The following CNTN4 variants were observed in gnomAD, a reference collection of about 807,000 sequenced individuals.
CNTN4 encodes contactin 4.
CNTN4 carries 77 observed loss-of-function variants against 122.5 expected under a neutral mutation model. The observed-to-expected ratio is 0.63, with a 90% CI of 0.52 to 0.76. CNTN4 has a LOEUF of 0.76. Ranked by LOEUF, CNTN4 falls within the 30% of genes least tolerant of loss-of-function variation. The pLI is 0.00. For synonymous variants in CNTN4, 512 were observed against 447.0 expected, an observed-to-expected ratio of 1.15 and a Z score of -1.83; for missense variants, 1,256 against 1,259.1, an observed-to-expected ratio of 1.00 and a Z score of 0.04.
intron 2 of CNTN4, among the ~76,000 whole-genome samples, chr3:2,308,742 C>A (rs2042809906): frequency 1.3e-5 from 2 of 151,910 alleles, no homozygotes; most frequent in South Asian, 4.1e-4. Context: ...TTATTGTGGT[C>A]AGAGAACGTT....
At chr3:2,290,845 A>G (rs2042107366) in intron 2 of CNTN4, among the ~76,000 whole-genome samples, 1 of 152,212 alleles carries the variant, frequency 6.6e-6, no homozygotes, top group Non-Finnish European at 1.5e-5. Context: ...TTCCCTTTCA[A>G]CAGAAACTTC....
At chr3:2,693,670 G>A (rs2728024) in intron 4 of CNTN4, among the ~76,000 whole-genome samples, 126,346 of 152,072 alleles carry the variant, frequency 0.83, 52,723 homozygotes, top group African/African-American at 0.89. Flanking sequence ...AGAATGATAA[G>A]AGAAATTGCT....
chr3:2,388,838 C>A (rs937068174), intron 3 of CNTN4, among the ~76,000 whole-genome samples: 7 of 151,290 alleles, frequency 4.6e-5, no homozygotes, highest in Non-Finnish European at 8.8e-5. Context: ...GAGCTAGATT[C>A]TGTCTCAAAC....
Position 2,690,426 on chromosome 3 carries a change from G to A in CNTN4, c.56-45789G>A, listed in dbSNP as rs115816299. Among the ~76,000 whole-genome samples the A allele has an allele frequency of 5.7e-3, 863 of 152,242 alleles. 5 individuals are homozygous for A. Among genetic ancestry groups the A allele is most frequent in the African/African-American group, 0.02 (812 of 41,538 alleles). ...AGATACGTAGCCCCACACTAGCTAT[G>A]GGACCTTAGGTAGGTTATTTAACTC... On this transcript the variant is annotated intron_variant, in intron 4 of 24. Transcript: ENST00000418658.
intron 6 of CNTN4, among the ~76,000 whole-genome samples, chr3:2,777,534 G>A (rs570511217): frequency 1.3e-5 from 2 of 152,168 alleles, no homozygotes; most frequent in Non-Finnish European, 2.9e-5. Flanking sequence ...TAGCAGCAAA[G>A]GACAAAAGAC....
intron 4 of CNTN4, among the ~76,000 whole-genome samples, chr3:2,600,310 G>A (rs2080980869): frequency 1.3e-5 from 2 of 151,740 alleles, no homozygotes; most frequent in South Asian, 2.1e-4. Context: ...CCATTAACTC[G>A]TCATTTACAT....
chr3:2,402,171 A>C (rs1205810980), intron 3 of CNTN4, among the ~76,000 whole-genome samples: 1 of 152,052 alleles, frequency 6.6e-6, no homozygotes, highest in Non-Finnish European at 1.5e-5. Context: ...TCTGCCCCAA[A>C]TCTCCCTTGC....
At chr3:2,616,061 A>G (rs1024089110) in intron 4 of CNTN4, among the ~76,000 whole-genome samples, 1 of 150,526 alleles carries the variant, frequency 6.6e-6, no homozygotes, top group African/African-American at 2.5e-5. Context: ...ATACATGTGC[A>G]GAATGTGCAG....
At chr3:2,557,380 G>C (rs1337144951) in intron 3 of CNTN4, among the ~76,000 whole-genome samples, 5 of 152,210 alleles carry the variant, frequency 3.3e-5, no homozygotes, top group African/African-American at 1.2e-4. Context: ...CCTGCATGCT[G>C]CATTTTTAGC....
chr3:2,580,095 G>T (rs1014340622), intron 4 of CNTN4, among the ~76,000 whole-genome samples: 5 of 152,024 alleles, frequency 3.3e-5, no homozygotes, highest in Non-Finnish European at 1.5e-5. Flanking sequence ...GTAATTGTGG[G>T]TAGAGCACTC....
chr3:3,009,400 C>T (rs1230210047), intron 14 of CNTN4, among the ~76,000 whole-genome samples: 4 of 152,050 alleles, frequency 2.6e-5, no homozygotes, highest in South Asian at 2.1e-4. Flanking sequence ...ACTGTCAATT[C>T]AATATCTAAT....
In CNTN4 at chr3:2,988,400, G is replaced by T; in HGVS notation, c.1414G>T (p.Ala472Ser). The change falls in exon 14 of 25, where the codon GCT becomes TCT. Residue 472 changes from alanine to serine, a missense_variant. Coordinates refer to ENST00000418658, the MANE Select transcript of CNTN4 (RefSeq NM_175607.3). The part of the protein sequence containing the change: ...LRIINVTKSD[A>S]GSYTCIATNH... ...AATCATCAACGTTACTAAATCAGAC[G>T]CTGGGAGTTATACCTGTATAGCCAC... 1 of 1,613,642 alleles carries T rather than the reference G, an allele frequency of 6.2e-7. No homozygotes were observed. The highest frequency in any genetic ancestry group is 1.3e-5 in the African/African-American group (1 of 75,008).
intron 3 of CNTN4, among the ~76,000 whole-genome samples, chr3:2,359,816 G>A (rs2045046950): frequency 6.6e-6 from 1 of 152,298 alleles, no homozygotes; most frequent in East Asian, 1.9e-4. Flanking sequence ...TGGGATTAGG[G>A]TCGAGAGCCA....
chr3:2,618,620 A>C (rs1163936166), intron 4 of CNTN4, among the ~76,000 whole-genome samples: 1 of 152,180 alleles, frequency 6.6e-6, no homozygotes, highest in African/African-American at 2.4e-5. Context: ...GGTGCCCCAA[A>C]TAGTAGCACA....
intron 6 of CNTN4, among the ~76,000 whole-genome samples, chr3:2,751,937 A>G (rs185495965): frequency 1.2e-3 from 181 of 152,232 alleles, no homozygotes; most frequent in African/African-American, 4.1e-3. Context: ...GTTCCATTTC[A>G]TTCTATGTGT....
chr3:2,441,129 T>C (rs1394875056), intron 3 of CNTN4, among the ~76,000 whole-genome samples: 1 of 152,026 alleles, frequency 6.6e-6, no homozygotes, highest in Non-Finnish European at 1.5e-5. Flanking sequence ...TTCACTTATA[T>C]GGTCATCAGT....
At chr3:2,698,929 C>T (rs960384000) in intron 4 of CNTN4, among the ~76,000 whole-genome samples, 4 of 151,834 alleles carry the variant, frequency 2.6e-5, no homozygotes, top group African/African-American at 7.2e-5. Context: ...AGGCTGAGGC[C>T]GGAGAATTGC....
intron 2 of CNTN4, among the ~76,000 whole-genome samples, chr3:2,312,828 T>C (rs1145050): frequency 0.09 from 13,702 of 152,108 alleles, 756 homozygotes; most frequent in African/African-American, 0.15. Flanking sequence ...TGTATGTTTC[T>C]GTGTGTTTGT....
chr3:2,435,559 G>A (rs539981320), intron 3 of CNTN4, among the ~76,000 whole-genome samples: 3 of 152,190 alleles, frequency 2.0e-5, no homozygotes, highest in South Asian at 2.1e-4. Flanking sequence ...AGTGACCCTG[G>A]CAGCCTGTTT....
Sources: gnomAD v4.1 joint callset for allele counts (sites outside exome capture counted in the v4.1 genomes callset) on GRCh38, gnomAD v4.1.1 for gene constraint, MANE v1.5 for transcripts, NCBI Gene and HGNC (gene_info 2026-07-23, HGNC 2026-07-21) for gene names.